Variants in TANK observed in about 807,000 individuals in gnomAD.
TANK encodes TRAF family member-associated NF-kappa-B activator.
Under a neutral mutation model 43.6 loss-of-function variants are expected in TANK, and 15 were observed. The observed-to-expected ratio is 0.34, with a 90% CI of 0.23 to 0.53. TANK has a LOEUF of 0.53. Ranked by LOEUF, TANK falls within the 20% of genes least tolerant of loss-of-function variation. The pLI is 0.94. For missense variants in TANK, 417 were observed against 498.6 expected, an observed-to-expected ratio of 0.84 and a Z score of 1.56; for synonymous variants, 162 against 178.2, an observed-to-expected ratio of 0.91 and a Z score of 0.73.
intron 4 of TANK, chr2:161,216,428 A>G (rs1378981344): frequency 6.4e-6 from 3 of 469,960 alleles, no homozygotes; most frequent in African/African-American, 4.0e-5. Flanking sequence ...CTTGCTTCTC[A>G]TCTTATCCTG....
rs866640107 is a variant in TANK, at chr2:161,211,934, T to C, written c.327+7141T>C. 7.1e-6 allele frequency: 7 copies of C among 979,188 alleles called. No homozygotes were observed. In the Middle Eastern group the frequency reaches 1.6e-3, roughly 222 times the overall value. 60.7% of individuals were successfully genotyped at this position (979,188 alleles called of 1,614,324 possible). On this transcript the variant is annotated intron_variant, in intron 4 of 7. Coordinates refer to ENST00000392749, the MANE Select transcript of TANK (RefSeq NM_001199135.3). ...TATTTTTATATATAATGCTTCTGTA[T>C]TACTCCTCTGGAGACTAGCCTTTTT...
chr2:161,212,403 A>G (rs1286843009), intron 4 of TANK: 1 of 984,602 alleles, frequency 1.0e-6, no homozygotes, highest in Admixed American at 6.2e-5. Flanking sequence ...TATCCAAAAC[A>G]TTTTAATAAT....
chr2:161,196,843 C>T (rs1473066824), intron 2 of TANK, among the ~76,000 whole-genome samples: 7 of 152,064 alleles, frequency 4.6e-5, no homozygotes, highest in African/African-American at 1.7e-4. Flanking sequence ...ACTCAGTTTC[C>T]TCATCTGTAA....
chr2:161,164,577 A>G (rs1254307289), intron 1 of TANK, among the ~76,000 whole-genome samples: 1 of 152,180 alleles, frequency 6.6e-6, no homozygotes, highest in African/African-American at 2.4e-5. Flanking sequence ...TTAATTTTCA[A>G]AGTCTTTTGA....
chr2:161,153,250 C>G (rs1234307566), intron 1 of TANK, among the ~76,000 whole-genome samples: 1 of 151,654 alleles, frequency 6.6e-6, no homozygotes, highest in Non-Finnish European at 1.5e-5. Context: ...TCTTTTAGTT[C>G]TTTGTCCATG....
chr2:161,173,397 T>C (rs745550537), intron 1 of TANK, among the ~76,000 whole-genome samples: 2 of 152,210 alleles, frequency 1.3e-5, no homozygotes, highest in Non-Finnish European at 2.9e-5. Context: ...GTTGAAACTC[T>C]TCTCATCTTT....
chr2:161,225,341 T>G (rs1489871651), intron 6 of TANK, among the ~76,000 whole-genome samples: 1 of 152,158 alleles, frequency 6.6e-6, no homozygotes, highest in Non-Finnish European at 1.5e-5. Context: ...GCTCAAGAAT[T>G]CTTTGAACTC....
upstream of TANK, among the ~76,000 whole-genome samples, chr2:161,155,715 A>G (rs993149136): frequency 6.6e-6 from 1 of 152,182 alleles, no homozygotes; most frequent in Non-Finnish European, 1.5e-5. Flanking sequence ...CATAACTTAG[A>G]TACCAGAAGC....
intron 7 of TANK, among the ~76,000 whole-genome samples, chr2:161,234,794 T>G (rs886156616): frequency 6.6e-6 from 1 of 152,226 alleles, no homozygotes; most frequent in Admixed American, 6.5e-5. Context: ...GTGAAATTTG[T>G]TCAGTAGTTT....
At chr2:161,161,085 A>G (rs1345030535) in intron 1 of TANK, 8 of 893,364 alleles carry the variant, frequency 9.0e-6, no homozygotes, top group African/African-American at 5.0e-5. Context: ...CCCCGCCCAC[A>G]GTGGGAACCC....
At chr2:161,168,243 T>C (rs1192732432) in intron 1 of TANK, among the ~76,000 whole-genome samples, 1 of 152,108 alleles carries the variant, frequency 6.6e-6, no homozygotes, top group South Asian at 2.1e-4. Flanking sequence ...TTTCTCACTA[T>C]GAAATAAGGA....
At chr2:161,155,994 T>G, upstream of TANK, 1 of 945,316 alleles carries the variant, frequency 1.1e-6, no homozygotes, top group Non-Finnish European at 1.3e-6. Context: ...AATATTGAAA[T>G]TTTTAACAAG....
chr2:161,176,453 G>C (rs79148535), intron 1 of TANK, among the ~76,000 whole-genome samples: 1 of 152,082 alleles, frequency 6.6e-6, no homozygotes, highest in Admixed American at 6.6e-5. Flanking sequence ...GGATGCATCC[G>C]TGTGGAATTT....
chr2:161,148,053 T>G (rs1490374121), intron 1 of TANK, among the ~76,000 whole-genome samples: 1 of 152,214 alleles, frequency 6.6e-6, no homozygotes, highest in African/African-American at 2.4e-5. Context: ...AGTAGAATTC[T>G]GGGGTCATTT....
intron 4 of TANK, among the ~76,000 whole-genome samples, chr2:161,220,872 A>C (rs1687311087): frequency 6.6e-6 from 1 of 152,216 alleles, no homozygotes; most frequent in African/African-American, 2.4e-5. Flanking sequence ...TTATTTTTGC[A>C]TCAATAATAA....
chr2:161,209,391 A>C (rs1030751700), intron 4 of TANK, among the ~76,000 whole-genome samples: 4 of 152,222 alleles, frequency 2.6e-5, no homozygotes, highest in African/African-American at 9.6e-5. Flanking sequence ...AGCAGTTACT[A>C]TTTAAATAAC....
intron 2 of TANK, among the ~76,000 whole-genome samples, chr2:161,195,774 A>G (rs984991122): frequency 2.6e-5 from 4 of 152,152 alleles, no homozygotes; most frequent in Non-Finnish European, 4.4e-5. Context: ...AGATATTAAT[A>G]GTTGAGATTA....
At chr2:161,217,182 GGTAA>G (rs1194846604) in intron 4 of TANK, among the ~76,000 whole-genome samples, 2 of 152,094 alleles carry the variant, frequency 1.3e-5, no homozygotes, top group Non-Finnish European at 2.9e-5. Flanking sequence ...ATTAGCTCAG[GGTAA>G]GTGTCACTCC....
chr2:161,225,360 C>T (rs981430084), intron 6 of TANK, among the ~76,000 whole-genome samples: 7 of 151,832 alleles, frequency 4.6e-5, no homozygotes, highest in African/African-American at 1.7e-4. Flanking sequence ...TCATTTGGTT[C>T]AAGAATAAAA....
Sources: allele counts gnomAD v4.1 joint callset (sites outside exome capture counted in the v4.1 genomes callset), GRCh38; gene constraint gnomAD v4.1.1; transcripts MANE v1.5; gene names NCBI Gene and HGNC (gene_info 2026-07-23, HGNC 2026-07-21).